Variants in CBFA2T2 observed in about 807,000 individuals in gnomAD.
CBFA2T2 encodes protein CBFA2T2.
A neutral mutation model predicts 62.2 loss-of-function variants in CBFA2T2; 11 were observed. The ratio of observed to expected loss-of-function variants is 0.18; its 90% CI spans 0.11 to 0.29. CBFA2T2 has a LOEUF of 0.29. CBFA2T2 is among the 10% of genes least tolerant of loss of function. CBFA2T2 has a pLI of 1.00. For synonymous variants in CBFA2T2, 295 were observed against 287.5 expected (o/e 1.03, Z -0.27); for missense variants, 592 against 774.1 (o/e 0.76, Z 2.79).
intron 1 of CBFA2T2, among the ~76,000 whole-genome samples, chr20:33,537,403 G>A (rs2012293089): frequency 6.6e-6 from 1 of 152,228 alleles, no homozygotes; most frequent in Non-Finnish European, 1.5e-5. Context: ...AGTAGAATCA[G>A]GCAGGGAGGT....
At position 33,623,243 on chromosome 20, in the gene CBFA2T2, G is replaced by A. The variant is rs752739929; in HGVS notation, c.639G>A (p.Ser213=). ...LNTSIASPAD[S]SELLMEVHGN... Reference sequence around the variant, plus strand: ...CAAGCATTGCATCGCCTGCTGACTCGTCAGAGTTGCTCATGGAGGTGCACG... The same window carrying A: ...CAAGCATTGCATCGCCTGCTGACTCATCAGAGTTGCTCATGGAGGTGCACG... Residue 213 remains serine, a synonymous_variant, in exon 5 of 11, where the codon TCG becomes TCA. Transcript: ENST00000342704. The A allele has an allele frequency of 1.3e-5, 21 of 1,614,088 alleles. No homozygotes were observed. The highest frequency in any genetic ancestry group is 1.6e-4 in the Middle Eastern group (1 of 6,084).
At chr20:33,609,153 G>A (rs1001256876) in intron 2 of CBFA2T2, among the ~76,000 whole-genome samples, 1 of 151,906 alleles carries the variant, frequency 6.6e-6, no homozygotes, top group African/African-American at 2.4e-5. Flanking sequence ...CATATGTATT[G>A]TGTATTGTAT....
At chr20:33,640,221 C>G in intron 9 of CBFA2T2, 120 bp from the exon 10 acceptor site, 2 of 906,164 alleles carry the variant, frequency 2.2e-6, no homozygotes, top group Non-Finnish European at 3.4e-6. Flanking sequence ...ATCATGTGTT[C>G]CTCCCTGTGG....
chr20:33,615,520 C>G (rs1286653856), intron 3 of CBFA2T2, among the ~76,000 whole-genome samples: 1 of 152,100 alleles, frequency 6.6e-6, no homozygotes, highest in East Asian at 1.9e-4. Flanking sequence ...TATCTGTTGT[C>G]GTTAAAAATC....
intron 4 of CBFA2T2, 21 bp downstream of exon 4, chr20:33,619,627 T>A (rs748041828): frequency 1.4e-6 from 2 of 1,474,936 alleles, no homozygotes; most frequent in Non-Finnish European, 1.9e-6. Flanking sequence ...AATTACTGAA[T>A]ATAATTTATC....
chr20:33,579,594 G>A (rs1165267518), intron 1 of CBFA2T2, among the ~76,000 whole-genome samples: 1 of 148,958 alleles, frequency 6.7e-6, no homozygotes, highest in African/African-American at 2.5e-5. Flanking sequence ...AGAGGATTGA[G>A]GTTAATTTGT....
At chr20:33,508,840 A>G (rs2011452335) in intron 1 of CBFA2T2, among the ~76,000 whole-genome samples, 1 of 152,190 alleles carries the variant, frequency 6.6e-6, no homozygotes, top group Non-Finnish European at 1.5e-5. Flanking sequence ...TTGGGATCCC[A>G]TTAGGGCTTA....
At chr20:33,642,105 CTT>C (rs576434212) in intron 10 of CBFA2T2, among the ~76,000 whole-genome samples, 3,668 of 73,830 alleles carry the variant, frequency 0.05, 74 homozygotes, top group Middle Eastern at 0.12. Context: ...CCTCCTTTGT[CTT>C]TTTTTTTTTT....
chr20:33,597,665 C>T (rs946533027), intron 1 of CBFA2T2, among the ~76,000 whole-genome samples: 1 of 152,160 alleles, frequency 6.6e-6, no homozygotes, highest in African/African-American at 2.4e-5. Context: ...CATCCTGAAA[C>T]CACTCCCTAC....
intron 1 of CBFA2T2, among the ~76,000 whole-genome samples, chr20:33,546,635 G>T (rs1263693508): frequency 6.6e-6 from 1 of 151,042 alleles, no homozygotes; most frequent in Non-Finnish European, 1.5e-5. Flanking sequence ...TTTTGTAGTG[G>T]ATACAATTTT....
chr20:33,556,635 A>G (rs1351419110), intron 1 of CBFA2T2, among the ~76,000 whole-genome samples: 2 of 151,998 alleles, frequency 1.3e-5, no homozygotes, highest in East Asian at 1.9e-4. Context: ...AGGTCTCACT[A>G]TGTTGCCCAA....
At chr20:33,541,753 A>C (rs1259820139) in intron 1 of CBFA2T2, among the ~76,000 whole-genome samples, 1 of 152,060 alleles carries the variant, frequency 6.6e-6, no homozygotes, top group Non-Finnish European at 1.5e-5. Context: ...GCTGGAAGAG[A>C]CTTTTTCTAT....
chr20:33,629,719 G>A lies in CBFA2T2; in HGVS notation c.1033G>A (p.Ala345Thr), dbSNP rs1410168708. 6.2e-7 allele frequency: 1 copy of A among 1,611,654 alleles called. No individual in the cohort carries two copies. Among genetic ancestry groups the A allele is most frequent in the Non-Finnish European group, 8.5e-7 (1 of 1,178,954 alleles). The change falls in exon 8 of 11, where the codon GCG (alanine) becomes ACG (threonine). Residue 345 changes from alanine (A) to threonine (T), a missense_variant and splice_region_variant. Physicochemically the swap from Ala to Thr is moderately conservative, Grantham distance 58 (BLOSUM62 0). Coordinates refer to ENST00000342704, the MANE Select transcript of CBFA2T2 (RefSeq NM_001032999.3). ...WADEWKHLDH[A>T]LNCIMEMVEK... is the part of the protein sequence containing the mutation. ...CTGCCTGGCCCCCTCTGTGACTCAG[G>A]CGCTGAATTGCATTATGGAAATGGT...
At chr20:33,523,175 C>T (rs2011781347) in intron 1 of CBFA2T2, among the ~76,000 whole-genome samples, 1 of 152,218 alleles carries the variant, frequency 6.6e-6, no homozygotes, top group South Asian at 2.1e-4. Context: ...GGGCTCTGGC[C>T]CAGACCTACT....
chr20:33,561,237 C>T lies in CBFA2T2; in HGVS notation c.35-45719C>T, dbSNP rs145535821. On this transcript the variant is annotated intron_variant, in intron 1 of 10. Transcript: ENST00000342704. ...CTGTGTTGCCCAGGCTGATCTCAAA[C>T]GCCTGAGCTCAAGCGACCTGACCAC... is the stretch of plus-strand genomic sequence containing the variant. Among the ~76,000 whole-genome samples the T allele has an allele frequency of 9.0e-3, 1,363 of 152,112 alleles. 11 individuals are homozygous for T. Among genetic ancestry groups the T allele is most frequent in the South Asian group, 0.036 (173 of 4,810 alleles).
intron 1 of CBFA2T2, among the ~76,000 whole-genome samples, chr20:33,556,056 G>A (rs1246928499): frequency 6.6e-6 from 1 of 152,194 alleles, no homozygotes; most frequent in African/African-American, 2.4e-5. Flanking sequence ...TTGTAGAGAT[G>A]GAGTCTCACT....
intron 1 of CBFA2T2, among the ~76,000 whole-genome samples, chr20:33,540,347 T>C (rs1321789918): frequency 1.3e-5 from 2 of 152,174 alleles, no homozygotes; most frequent in African/African-American, 4.8e-5. Flanking sequence ...CTACATAATA[T>C]AGCCTACTAC....
At chr20:33,623,953 G>T in intron 5 of CBFA2T2, 2 of 425,658 alleles carry the variant, frequency 4.7e-6, no homozygotes, top group South Asian at 4.9e-5. Context: ...AGAAAGAATT[G>T]GAAAAAAAAA....
At chr20:33,600,076 C>T (rs1455215792) in intron 1 of CBFA2T2, among the ~76,000 whole-genome samples, 1 of 150,360 alleles carries the variant, frequency 6.7e-6, no homozygotes, top group Non-Finnish European at 1.5e-5. Context: ...TAAGCATGTA[C>T]TATGTCCATA....
Sources: allele counts gnomAD v4.1 joint callset (sites outside exome capture counted in the v4.1 genomes callset), GRCh38; gene constraint gnomAD v4.1.1; transcripts MANE v1.5; gene names NCBI Gene and HGNC (gene_info 2026-07-23, HGNC 2026-07-21).